USH2A: variants seen among roughly 807,000 people sequenced by gnomAD.
The protein encoded by USH2A is usherin.
Under a neutral mutation model 538.9 loss-of-function variants are expected in USH2A, and 443 were observed. That is an observed-to-expected ratio of 0.82 (90% CI 0.76 to 0.89). The LOEUF is 0.89. Among genes scored for constraint, USH2A ranks in the 40% least tolerant of loss-of-function variants. The pLI is 0.00. For missense variants in USH2A, 6,633 were observed against 6,324.8 expected (o/e 1.05, Z -1.65); for synonymous variants, 2,413 against 2,273.5 (o/e 1.06, Z -1.75).
At chr1:216,067,253 G>T (rs1429985447) in intron 30 of USH2A, among the ~76,000 whole-genome samples, 1 of 152,088 alleles carries the variant, frequency 6.6e-6, no homozygotes, top group Non-Finnish European at 1.5e-5. Context: ...ACATATCGGG[G>T]CCTGTCGAGC....
chr1:216,386,481 T>C (rs1227061436), intron 3 of USH2A, among the ~76,000 whole-genome samples: 1 of 105,284 alleles, frequency 9.5e-6, no homozygotes, highest in Admixed American at 1.2e-4. Flanking sequence ...GCGAGACTCG[T>C]CTCAAAAAAA....
In USH2A at chr1:216,144,107, C is replaced by T. The variant is rs116079917; in HGVS notation, c.4627+31145G>A. On this transcript the variant is annotated intron_variant, in intron 21 of 71. Coordinates refer to ENST00000307340, the MANE Select transcript of USH2A (RefSeq NM_206933.4). ...CCTTTTATCTTCTAAGTATTATGAA[C>T]ATTTTATCTTATCAGACTGGCTAGA... is the stretch of plus-strand genomic sequence containing the variant. Among the ~76,000 whole-genome samples the T allele has an allele frequency of 3.6e-3, 547 of 152,260 alleles. 2 individuals are homozygous for T. Among genetic ancestry groups the T allele is most frequent in the African/African-American group, 0.013 (528 of 41,548 alleles).
rs554404283 is a variant in USH2A, at chr1:216,252,364, T to G, written c.1972-1266A>C. 4.6e-5 allele frequency among the ~76,000 whole-genome samples: 7 copies of G among 152,372 alleles called. No homozygotes were observed. The East Asian group carries it at 1.4e-3, about 29-fold the overall frequency. ...TTCTTTCACTTGGATTGAATCCAGC[T>G]CTTCACATTTGGAGGCAGAGTTACC... On this transcript the variant is annotated intron_variant, in intron 11 of 71. Coordinates refer to ENST00000307340, the MANE Select transcript of USH2A (RefSeq NM_206933.4).
intron 19 of USH2A, among the ~76,000 whole-genome samples, chr1:216,193,357 G>T (rs146740945): frequency 6.6e-6 from 1 of 151,972 alleles, no homozygotes; most frequent in Non-Finnish European, 1.5e-5. Flanking sequence ...GAGTGAACAC[G>T]TAGACAGATT....
At chr1:215,670,512 C>T (rs542991764) in intron 64 of USH2A, among the ~76,000 whole-genome samples, 3 of 152,264 alleles carry the variant, frequency 2.0e-5, no homozygotes, top group South Asian at 2.1e-4. Context: ...CTTAACTCAT[C>T]GCCATGGGCA....
rs144165442 is a variant in USH2A, at chr1:216,090,181, C to T, written c.4759-1042G>A. Among the ~76,000 whole-genome samples the T allele has an allele frequency of 7.2e-3, 1,086 of 151,568 alleles. 5 individuals are homozygous for T. Among genetic ancestry groups the T allele is most frequent in the Non-Finnish European group, 0.012 (799 of 67,800 alleles). ...AATTACCAGAAAATTTCACCAAACTCTAATAATTTTGCTATGCTGTTTTTT... is the reference window on the plus strand; with the variant it reads ...AATTACCAGAAAATTTCACCAAACTTTAATAATTTTGCTATGCTGTTTTTT... On this transcript the variant is annotated intron_variant, in intron 22 of 71. Transcript: ENST00000307340.
At chr1:215,811,037 T>A (rs947803911) in intron 49 of USH2A, among the ~76,000 whole-genome samples, 5 of 152,116 alleles carry the variant, frequency 3.3e-5, no homozygotes, top group African/African-American at 1.2e-4. Context: ...TTTGCAAAAA[T>A]TATGACAGTA....
chr1:216,249,986 T>G (rs991270473), intron 12 of USH2A, among the ~76,000 whole-genome samples: 3 of 152,062 alleles, frequency 2.0e-5, no homozygotes, highest in African/African-American at 7.2e-5. Flanking sequence ...GTGTCTTGAA[T>G]GACAATAGAA....
intron 36 of USH2A, among the ~76,000 whole-genome samples, chr1:215,966,383 T>A (rs1002757976): frequency 6.6e-6 from 1 of 152,202 alleles, no homozygotes; most frequent in African/African-American, 2.4e-5. Flanking sequence ...ATATTTGACC[T>A]TTCACAATTT....
At position 216,011,798 on chromosome 1, in the gene USH2A, TC is replaced by T. The variant is rs202159315; in HGVS notation, c.6326-11237del. ...CCACGGCTCCTTCAGCTGTACTCAC[TC>T]TTTGTTAAGTCCCACAATTACCATT... On this transcript the variant is annotated intron_variant, in intron 32 of 71. Coordinates refer to ENST00000307340, the MANE Select transcript of USH2A (RefSeq NM_206933.4). 9.4e-3 allele frequency among the ~76,000 whole-genome samples: 1,433 copies of T among 152,080 alleles called. 21 individuals are homozygous for T. The highest frequency in any genetic ancestry group is 0.033 in the African/African-American group (1,349 of 41,444).
chr1:216,094,280 C>T (rs1006487407), intron 22 of USH2A, among the ~76,000 whole-genome samples: 15 of 152,076 alleles, frequency 9.9e-5, no homozygotes, highest in South Asian at 4.1e-4. Context: ...TTAGTAGTAA[C>T]TTATTTTTCT....
chr1:215,759,640 A>G lies in USH2A; in HGVS notation c.11231+20T>C, dbSNP rs759456478. ...GTACAAATCCTGCTGTATGATTGGT[A>G]AAGTTTTCTTTTAGTTTACCTGCTA... is the stretch of plus-strand genomic sequence containing the variant. On this transcript the variant is annotated intron_variant, in intron 57 of 71. Transcript: ENST00000307340. 1 of 1,613,642 alleles carries G rather than the reference A, an allele frequency of 6.2e-7. No individual in the cohort carries two copies.
At chr1:216,356,201 A>G (rs771275140) in intron 4 of USH2A, among the ~76,000 whole-genome samples, 11 of 152,078 alleles carry the variant, frequency 7.2e-5, no homozygotes, top group Admixed American at 6.6e-4. Context: ...TAAATGTCCA[A>G]TGAACGCTTG....
chr1:216,399,356 C>T (rs1018391939), intron 3 of USH2A, among the ~76,000 whole-genome samples: 4 of 152,106 alleles, frequency 2.6e-5, no homozygotes, highest in African/African-American at 9.7e-5. Context: ...GTTCCCACCC[C>T]ACCCTCACTA....
At chr1:216,088,957 G>A (rs55957005) in intron 23 of USH2A, 56 bp downstream of exon 23, 40 of 1,605,670 alleles carry the variant, frequency 2.5e-5, no homozygotes, top group Non-Finnish European at 3.0e-5. Context: ...CAACAGAAAA[G>A]TATGGCAACA....
At chr1:215,742,330 T>G (rs1238215959) in intron 59 of USH2A, among the ~76,000 whole-genome samples, 1 of 152,116 alleles carries the variant, frequency 6.6e-6, no homozygotes, top group Non-Finnish European at 1.5e-5. Context: ...TTCTTTAAGG[T>G]GAAGCAAAAT....
intron 44 of USH2A, among the ~76,000 whole-genome samples, chr1:215,851,593 G>A (rs564456340): frequency 5.9e-5 from 9 of 152,066 alleles, no homozygotes; most frequent in Middle Eastern, 3.4e-3. Context: ...GATTCACAGC[G>A]GAATTCTATC....
chr1:215,856,832 GGTGTGTGTGTGTGT>G lies in USH2A; in HGVS notation c.8845+10161_8845+10174del, dbSNP rs71159889. Among the ~76,000 whole-genome samples, 749 of 141,984 alleles carry G rather than the reference GGTGTGTGTGTGTGT, an allele frequency of 5.3e-3. 6 individuals are homozygous for G. The highest frequency in any genetic ancestry group is 0.015 in the African/African-American group (600 of 38,830). The allele number at this position is 141,984 out of a possible 152,430, so 93.1% of individuals were successfully genotyped here. A position where few individuals can be genotyped will look rare whatever the true frequency, so the allele number is the denominator to read the frequency against. ...AATCAATGAGTGGATAAAAAAATTT[GGTGTGTGTGTGTGT>G]GTGTGTGTGTGTGTGTGTGTGTGTG... On this transcript the variant is annotated intron_variant, in intron 44 of 71. Transcript: ENST00000307340.
chr1:215,845,722 C>T (rs1172295009), intron 45 of USH2A, 102 bp downstream of exon 45: 6 of 1,337,872 alleles, frequency 4.5e-6, no homozygotes, highest in African/African-American at 1.4e-5. Flanking sequence ...CCTCCCACAC[C>T]GGAAATTTTA....
Sources: gnomAD v4.1 joint callset for allele counts (sites outside exome capture counted in the v4.1 genomes callset) on GRCh38, gnomAD v4.1.1 for gene constraint, MANE v1.5 for transcripts, NCBI Gene and HGNC (gene_info 2026-07-23, HGNC 2026-07-21) for gene names.